The following DNAJC1 variants were observed in gnomAD, a reference collection of about 807,000 sequenced individuals.
The protein encoded by DNAJC1 is dnaJ homolog subfamily C member 1.
DNAJC1 carries 58 observed loss-of-function variants against 76.6 expected under a neutral mutation model. The ratio of observed to expected loss-of-function variants is 0.76; its 90% CI spans 0.61 to 0.94. The LOEUF is 0.94. DNAJC1 is among the 40% of genes least tolerant of loss of function. The pLI, the probability that DNAJC1 is intolerant of heterozygous loss-of-function variation, is 0.00. For synonymous variants in DNAJC1, 258 were observed against 267.9 expected, an observed-to-expected ratio of 0.96 and a Z score of 0.36; for missense variants, 689 against 677.3, an observed-to-expected ratio of 1.02 and a Z score of -0.19.
chr10:21,953,059 C>T (rs2666776), intron 1 of DNAJC1, among the ~76,000 whole-genome samples: 117,849 of 152,048 alleles, frequency 0.78, 46,561 homozygotes, highest in East Asian at 0.99. Context: ...ATAGTGATAA[C>T]AGACTCTCTT....
chr10:21,874,384 T>C (rs1836150457), intron 8 of DNAJC1, among the ~76,000 whole-genome samples: 1 of 151,166 alleles, frequency 6.6e-6, no homozygotes, highest in Non-Finnish European at 1.5e-5. Flanking sequence ...TATGCCACTG[T>C]GCTCCAGCAG....
chr10:21,918,866 C>T lies in DNAJC1; in HGVS notation c.642G>A (p.Leu214=), dbSNP rs1836995418. 1 of 1,612,336 alleles carries T rather than the reference C, an allele frequency of 6.2e-7. No homozygotes were observed. The highest frequency in any genetic ancestry group is 8.5e-7 in the Non-Finnish European group (1 of 1,178,804). ...GCAAATCATGCCACTGTGGTTTCATCAGCAATCTAAAGGGAGGGAGAAAAA... is the reference window on the plus strand; with the variant it reads ...GCAAATCATGCCACTGTGGTTTCATTAGCAATCTAAAGGGAGGGAGAAAAA... ...LGASEKNERL[L]MKPQWHDLLP... Residue 214 remains leucine (L), a synonymous_variant, in exon 6 of 12, where the codon CTG becomes CTA. Coordinates refer to ENST00000376980, the MANE Select transcript of DNAJC1 (RefSeq NM_022365.4).
In DNAJC1 at chr10:21,928,534, C is replaced by T; in HGVS notation, c.343G>A (p.Val115Ile). ...QFRQLVAIYE[V>I]LKDDERRQRY... ...TGCCTTCGTTCATCATCCTTTAAAACTTCATAAATGGCCACCAACTAAAAT... is the reference window on the plus strand; with the variant it reads ...TGCCTTCGTTCATCATCCTTTAAAATTTCATAAATGGCCACCAACTAAAAT... The change falls in exon 3 of 12, where the codon GTT becomes ATT. Residue 115 changes from valine (V) to isoleucine (I), a missense_variant. By Grantham distance (29) the Val-to-Ile change is conservative. Coordinates refer to ENST00000376980, the MANE Select transcript of DNAJC1 (RefSeq NM_022365.4). The T allele has an allele frequency of 1.2e-6, 2 of 1,612,950 alleles. No homozygotes were observed. The highest frequency in any genetic ancestry group is 2.2e-5 in the South Asian group (2 of 91,018).
chr10:21,813,231 T>TATATATATATATATATACAC (rs1564794902), intron 8 of DNAJC1, among the ~76,000 whole-genome samples: 1 of 131,868 alleles, frequency 7.6e-6, no homozygotes, highest in African/African-American at 3.1e-5. Context: ...TATATATATA[T>TATATATATATATATATACAC]ATATATATAT....
intron 8 of DNAJC1, among the ~76,000 whole-genome samples, chr10:21,853,869 G>T (rs1043675652): frequency 6.7e-5 from 10 of 148,766 alleles, no homozygotes; most frequent in African/African-American, 2.5e-4. Context: ...ATCTAATCCA[G>T]TGTCAAAACT....
chr10:21,806,120 TAAAA>T, intron 8 of DNAJC1, 21 bp from the exon 9 acceptor site: 1 of 1,573,206 alleles, frequency 6.4e-7, no homozygotes, highest in Non-Finnish European at 8.6e-7. Flanking sequence ...TTAAAGAAAA[TAAAA>T]AAAGATAATT....
intron 8 of DNAJC1, among the ~76,000 whole-genome samples, 163 bp downstream of exon 8, chr10:21,882,119 A>G (rs1332377613): frequency 6.6e-6 from 1 of 152,154 alleles, no homozygotes; most frequent in Non-Finnish European, 1.5e-5. Flanking sequence ...GCGCCACTGC[A>G]CTCCAGCCTG....
intron 3 of DNAJC1, among the ~76,000 whole-genome samples, chr10:21,926,526 G>C (rs11595465): frequency 6.6e-6 from 1 of 152,016 alleles, no homozygotes; most frequent in Non-Finnish European, 1.5e-5. Flanking sequence ...TCAATATGTA[G>C]ATAATCTTCT....
chr10:21,777,207 A>C (rs969723352), intron 9 of DNAJC1, among the ~76,000 whole-genome samples: 1 of 152,204 alleles, frequency 6.6e-6, no homozygotes, highest in Non-Finnish European at 1.5e-5. Context: ...TTTAAAGTAG[A>C]CACCATTCTT....
In DNAJC1 at chr10:22,003,384, G is replaced by T. The variant is rs925820081; in HGVS notation, c.51C>A (p.Leu17=). ...QPAQLPGRRQ[L]GLVPFPPPPP... ...GCGGCGGCGGGAACGGCACCAGCCC[G>T]AGCTGGCGGCGTCCAGGAAGCTGCG... The change falls in exon 1 of 12, where the codon CTC becomes CTA. Residue 17 remains leucine (L), a synonymous_variant. Transcript: ENST00000376980. The T allele has an allele frequency of 3.6e-6, 5 of 1,383,274 alleles. No homozygotes were observed. Among genetic ancestry groups the T allele is most frequent in the Non-Finnish European group, 3.7e-6 (4 of 1,071,018 alleles). The allele number at this position is 1,383,274 out of a possible 1,614,324, so 85.7% of individuals were successfully genotyped here.
intron 4 of DNAJC1, 102 bp from the exon 5 acceptor site, chr10:21,920,031 T>C: frequency 1.5e-6 from 1 of 666,054 alleles, no homozygotes. Context: ...GAGGAACATT[T>C]ATGCAAATGT....
intron 9 of DNAJC1, among the ~76,000 whole-genome samples, chr10:21,766,569 G>A (rs1471116739): frequency 6.6e-6 from 1 of 152,128 alleles, no homozygotes; most frequent in African/African-American, 2.4e-5. Context: ...ACTCCTTCTA[G>A]TTCAATGACA....
chr10:21,837,895 G>A (rs1159676676), intron 8 of DNAJC1, among the ~76,000 whole-genome samples: 1 of 144,880 alleles, frequency 6.9e-6, no homozygotes, highest in Non-Finnish European at 1.5e-5. Context: ...CGCCCGGCCA[G>A]CCGCCCCGTC....
rs1454087070 is a variant in DNAJC1 at position 21,862,347 on chromosome 10, AAAT to A, written c.978+19932_978+19934del. On this transcript the variant is annotated intron_variant, in intron 8 of 11. Coordinates refer to ENST00000376980, the MANE Select transcript of DNAJC1 (RefSeq NM_022365.4). ...CCTCTTTCCTGTGATAGTAACACCTAAATAATAATAAGACTAAAAACCATATGC... is the reference window on the plus strand; with the variant it reads ...CCTCTTTCCTGTGATAGTAACACCTAAATAATAAGACTAAAAACCATATGC... Among the ~76,000 whole-genome samples the A allele has an allele frequency of 3.3e-5, 5 of 152,236 alleles. No individual in the cohort carries two copies. The East Asian group carries it at 7.7e-4, about 23-fold the overall frequency.
intron 8 of DNAJC1, among the ~76,000 whole-genome samples, chr10:21,820,808 T>C (rs902655310): frequency 3.9e-5 from 6 of 152,210 alleles, no homozygotes; most frequent in Admixed American, 3.9e-4. Context: ...TATGTTTTAC[T>C]GGTTTACTTA....
chr10:21,829,169 T>C (rs1835313041), intron 8 of DNAJC1, among the ~76,000 whole-genome samples: 1 of 151,820 alleles, frequency 6.6e-6, no homozygotes, highest in African/African-American at 2.4e-5. Context: ...TAGCTGGAAC[T>C]ACAGGAATGA....
At chr10:21,944,256 T>C (rs567836010) in intron 1 of DNAJC1, among the ~76,000 whole-genome samples, 2 of 151,992 alleles carry the variant, frequency 1.3e-5, no homozygotes, top group Non-Finnish European at 2.9e-5. Context: ...AAAATAAAAG[T>C]GCAAACCAGT....
chr10:21,874,505 C>T (rs1321484046), intron 8 of DNAJC1, among the ~76,000 whole-genome samples: 2 of 150,518 alleles, frequency 1.3e-5, no homozygotes, highest in African/African-American at 4.9e-5. Flanking sequence ...GCCATGAGAA[C>T]ATTATGCCAA....
In DNAJC1 at chr10:21,765,170, C is replaced by G. The variant is rs530055165; in HGVS notation, c.1147+1091G>C. The stretch of plus-strand genomic sequence containing the variant: ...AACTTCATTGGCAGAAAAAGAAATC[C>G]AGAAATTTCCTCTTGCTAAAGCCTG... On this transcript the variant is annotated intron_variant, in intron 10 of 11. Coordinates refer to ENST00000376980, the MANE Select transcript of DNAJC1 (RefSeq NM_022365.4). Among the ~76,000 whole-genome samples the G allele has an allele frequency of 7.3e-4, 111 of 152,304 alleles. 1 individual carries two copies. Among genetic ancestry groups the G allele is most frequent in the Middle Eastern group, 3.4e-3 (1 of 294 alleles).
Sources: allele counts gnomAD v4.1 joint callset (sites outside exome capture counted in the v4.1 genomes callset), GRCh38; gene constraint gnomAD v4.1.1; transcripts MANE v1.5; gene names NCBI Gene and HGNC (gene_info 2026-07-23, HGNC 2026-07-21).